ALK: variants seen among roughly 807,000 people sequenced by gnomAD.
The protein encoded by ALK is ALK receptor tyrosine kinase.
A neutral mutation model predicts 163.1 loss-of-function variants in ALK; 74 were observed. The observed-to-expected ratio is 0.45, with a 90% CI of 0.38 to 0.55. The LOEUF is 0.55. Among genes scored for constraint, ALK ranks in the 20% least tolerant of loss-of-function variants. The probability of loss-of-function intolerance (pLI) is 0.00; values close to 1 mark genes in which losing one functional copy is unlikely to be tolerated. For missense variants in ALK, 2,063 were observed against 2,105.3 expected, an observed-to-expected ratio of 0.98 and a Z score of 0.39; for synonymous variants, 960 against 843.2, an observed-to-expected ratio of 1.14 and a Z score of -2.40.
chr2:29,795,483 A>G (rs1333119920), intron 1 of ALK, among the ~76,000 whole-genome samples: 1 of 152,168 alleles, frequency 6.6e-6, no homozygotes, highest in Non-Finnish European at 1.5e-5. Flanking sequence ...ATCCATCCCA[A>G]GAAAATTACC....
intron 1 of ALK, among the ~76,000 whole-genome samples, chr2:29,874,160 A>C (rs1374869854): frequency 6.6e-6 from 1 of 152,206 alleles, no homozygotes; most frequent in Admixed American, 6.5e-5. Flanking sequence ...ATACAGAAGC[A>C]CTTGTTGGTA....
At chr2:29,662,278 T>G (rs1677372688) in intron 3 of ALK, among the ~76,000 whole-genome samples, 1 of 152,034 alleles carries the variant, frequency 6.6e-6, no homozygotes, top group South Asian at 2.1e-4. Flanking sequence ...CCCTTTGAGG[T>G]CTAAGGAAGA....
At chr2:29,830,434 A>G (rs1383361832) in intron 1 of ALK, among the ~76,000 whole-genome samples, 1 of 152,112 alleles carries the variant, frequency 6.6e-6, no homozygotes, top group Non-Finnish European at 1.5e-5. Context: ...GAGAAAGTAG[A>G]TATGGAGCTT....
intron 4 of ALK, among the ~76,000 whole-genome samples, chr2:29,469,884 CAG>C (rs1350571231): frequency 6.6e-6 from 1 of 151,984 alleles, no homozygotes; most frequent in Non-Finnish European, 1.5e-5. Context: ...GGACAGGAAA[CAG>C]AGCCAAATGA....
At chr2:29,701,676 C>T (rs530110844) in intron 2 of ALK, among the ~76,000 whole-genome samples, 8 of 152,232 alleles carry the variant, frequency 5.3e-5, no homozygotes, top group Middle Eastern at 3.4e-3. Flanking sequence ...TCTGTGAAGG[C>T]GTGTGGGAAG....
chr2:29,289,351 G>A (rs1455894043), intron 9 of ALK, among the ~76,000 whole-genome samples: 2 of 151,758 alleles, frequency 1.3e-5, no homozygotes, highest in African/African-American at 2.4e-5. Context: ...GTGTGCACTT[G>A]AAGTGTTTTG....
At chr2:29,394,736 G>T (rs531831395) in intron 4 of ALK, among the ~76,000 whole-genome samples, 1 of 152,294 alleles carries the variant, frequency 6.6e-6, no homozygotes, top group Admixed American at 6.5e-5. Flanking sequence ...AGGAGATGTG[G>T]GCACATCACC....
At chr2:29,503,445 A>G (rs188515185) in intron 4 of ALK, among the ~76,000 whole-genome samples, 1 of 152,362 alleles carries the variant, frequency 6.6e-6, no homozygotes, top group East Asian at 1.9e-4. Context: ...AAGCCGTGAT[A>G]TCTTTCATCA....
intron 3 of ALK, among the ~76,000 whole-genome samples, chr2:29,666,641 C>T (rs932013341): frequency 6.6e-6 from 1 of 152,072 alleles, no homozygotes; most frequent in African/African-American, 2.4e-5. Flanking sequence ...GCTGAAGACA[C>T]AGATCTGAGC....
At chr2:29,313,514 G>A (rs1666748662) in intron 8 of ALK, among the ~76,000 whole-genome samples, 1 of 152,142 alleles carries the variant, frequency 6.6e-6, no homozygotes, top group South Asian at 2.1e-4. Flanking sequence ...AGGTGGTGGG[G>A]CTCTGAGTTA....
chr2:29,258,735 C>T lies in ALK; in HGVS notation c.2042-7468G>A, dbSNP rs151210395. Among the ~76,000 whole-genome samples, 6 of 152,268 alleles carry T rather than the reference C, an allele frequency of 3.9e-5. No individual in the cohort carries two copies. The East Asian group carries it at 5.8e-4, about 15-fold the overall frequency. On this transcript the variant is annotated intron_variant, in intron 11 of 28. Coordinates refer to ENST00000389048, the MANE Select transcript of ALK (RefSeq NM_004304.5). ...AGCCTCCCAGGTCCTTTTGACATGA[C>T]GCTAGTAGACTTTTAAAGCTTCTTT...
intron 1 of ALK, among the ~76,000 whole-genome samples, chr2:29,830,961 G>GAA (rs1558508228): frequency 3.1e-3 from 38 of 12,282 alleles, no homozygotes; most frequent in African/African-American, 7.9e-3. Context: ...AAGAAAAGAA[G>GAA]AAGAAGAAGA....
chr2:29,327,493 T>A (rs889281229), intron 6 of ALK, among the ~76,000 whole-genome samples: 10 of 152,290 alleles, frequency 6.6e-5, no homozygotes, highest in Non-Finnish European at 1.2e-4. Flanking sequence ...CCTCGTAGGA[T>A]GCTAAATGCC....
chr2:29,478,803 TCAGGGAGAACAAG>T lies in ALK; in HGVS notation c.1154+53099_1154+53111del, dbSNP rs1671590387. Among the ~76,000 whole-genome samples the T allele has an allele frequency of 2.0e-5, 3 of 152,154 alleles. No individual in the cohort carries two copies. The East Asian group carries it at 5.8e-4, about 29-fold the overall frequency. ...GAAGGGCAGGCAGGATTTGGAAAGG[TCAGGGAGAACAAG>T]TGTGTCCCAGCTTGTGGGAATGGTA... is the stretch of plus-strand genomic sequence containing the variant. On this transcript the variant is annotated intron_variant, in intron 4 of 28. Coordinates refer to ENST00000389048, the MANE Select transcript of ALK (RefSeq NM_004304.5).
rs1056443996 is a variant in ALK, at chr2:29,602,666, C to A, written c.953-70550G>T. On this transcript the variant is annotated intron_variant, in intron 3 of 28. Coordinates refer to ENST00000389048, the MANE Select transcript of ALK (RefSeq NM_004304.5). Reference sequence around the variant, plus strand: ...TCACCTGCCTCCCTCAGGGGAGGTACAACAATGACAAAGATCAGGTTAAAG... The same window carrying A: ...TCACCTGCCTCCCTCAGGGGAGGTAAAACAATGACAAAGATCAGGTTAAAG... Among the ~76,000 whole-genome samples, 36 of 152,022 alleles carry A rather than the reference C, an allele frequency of 2.4e-4. 1 individual carries two copies. Among genetic ancestry groups the A allele is most frequent in the Admixed American group, 1.1e-3 (17 of 15,270 alleles).
At chr2:29,608,548 T>G (rs1675601735) in intron 3 of ALK, among the ~76,000 whole-genome samples, 1 of 152,344 alleles carries the variant, frequency 6.6e-6, no homozygotes, top group Admixed American at 6.5e-5. Context: ...GAGTCTCTCC[T>G]AAGTTCCAGG....
chr2:29,504,767 G>A (rs970907081), intron 4 of ALK, among the ~76,000 whole-genome samples: 2 of 152,212 alleles, frequency 1.3e-5, no homozygotes, highest in African/African-American at 4.8e-5. Flanking sequence ...GCCAGTGACT[G>A]ATGCTAAGCA....
At chr2:29,214,710 G>A (rs1402398206) in intron 23 of ALK, among the ~76,000 whole-genome samples, 1 of 152,162 alleles carries the variant, frequency 6.6e-6, no homozygotes, top group East Asian at 1.9e-4. Context: ...TCTCATCTTG[G>A]CTTCCTGGAC....
At chr2:29,542,070 C>G (rs1428095496) in intron 3 of ALK, among the ~76,000 whole-genome samples, 1 of 152,316 alleles carries the variant, frequency 6.6e-6, no homozygotes, top group Non-Finnish European at 1.5e-5. Flanking sequence ...TGTGACTTTC[C>G]TTTGTGTGCA....
Sources: gnomAD v4.1 joint callset for allele counts (sites outside exome capture counted in the v4.1 genomes callset) on GRCh38, gnomAD v4.1.1 for gene constraint, MANE v1.5 for transcripts, NCBI Gene and HGNC (gene_info 2026-07-23, HGNC 2026-07-21) for gene names.